The following MED27 variants were observed in gnomAD, a reference collection of about 807,000 sequenced individuals.
MED27 encodes mediator of RNA polymerase II transcription subunit 27.
MED27 carries 30 observed loss-of-function variants against 38.2 expected under a neutral mutation model. The observed-to-expected ratio is 0.79, with a 90% CI of 0.59 to 1.07. The LOEUF is 1.07. Ranked by LOEUF, MED27 falls within the 50% of genes least tolerant of loss-of-function variation. The pLI is 0.00. For missense variants in MED27, 289 were observed against 397.5 expected (o/e 0.73, Z 2.32); for synonymous variants, 122 against 153.5 (o/e 0.79, Z 1.52).
chr9:131,969,808 A>C (rs995891616), intron 3 of MED27, among the ~76,000 whole-genome samples: 1 of 152,154 alleles, frequency 6.6e-6, no homozygotes. Context: ...ATAATTTTGG[A>C]ATCTCTCTAA....
intron 2 of MED27, among the ~76,000 whole-genome samples, chr9:132,028,712 A>T (rs1469125486): frequency 6.6e-6 from 1 of 152,126 alleles, no homozygotes; most frequent in East Asian, 1.9e-4. Context: ...AATCAAGGAC[A>T]TTATAGCCTT....
chr9:132,046,192 G>A (rs1833333714), intron 2 of MED27, among the ~76,000 whole-genome samples: 1 of 152,166 alleles, frequency 6.6e-6, no homozygotes, highest in South Asian at 2.1e-4. Flanking sequence ...AAATATACAG[G>A]CAAAAGTTCA....
At chr9:132,045,476 T>C (rs185085660) in intron 2 of MED27, among the ~76,000 whole-genome samples, 1 of 149,918 alleles carries the variant, frequency 6.7e-6, no homozygotes, top group Admixed American at 6.7e-5. Flanking sequence ...TTTACATGCA[T>C]AATAAAAGGT....
chr9:131,927,326 T>G (rs1286657479), intron 4 of MED27, among the ~76,000 whole-genome samples: 1 of 152,316 alleles, frequency 6.6e-6, no homozygotes, highest in East Asian at 1.9e-4. Flanking sequence ...ACCTAAGGCT[T>G]ACAAGGACAC....
intron 4 of MED27, among the ~76,000 whole-genome samples, chr9:131,933,416 G>C (rs1384259389): frequency 6.6e-6 from 1 of 152,038 alleles, no homozygotes; most frequent in Non-Finnish European, 1.5e-5. Context: ...AAAGTTGAAG[G>C]ATACAAAATA....
At chr9:132,070,746 C>G (rs1385237615) in intron 2 of MED27, among the ~76,000 whole-genome samples, 2 of 152,148 alleles carry the variant, frequency 1.3e-5, no homozygotes, top group Non-Finnish European at 2.9e-5. Context: ...TCTCACCACT[C>G]CTGTGGTTTG....
intron 2 of MED27, among the ~76,000 whole-genome samples, chr9:132,053,010 T>C (rs1014473974): frequency 2.6e-5 from 4 of 151,680 alleles, no homozygotes; most frequent in African/African-American, 7.3e-5. Context: ...TCCCAGCACT[T>C]TGGGAGGCCG....
rs1247480319 is a variant in MED27 at position 131,861,316 on chromosome 9, C to T, written c.802-644G>A. Among the ~76,000 whole-genome samples the T allele has an allele frequency of 6.6e-6, 1 of 152,096 alleles. No individual in the cohort carries two copies. Among genetic ancestry groups the T allele is most frequent in the Non-Finnish European group, 1.5e-5 (1 of 68,012 alleles). Reference sequence around the variant, plus strand: ...ACATAAGGATGAGCCTCCCGTAACTCAATTCTCAAACACAAGGAGATTCAC... The same window carrying T: ...ACATAAGGATGAGCCTCCCGTAACTTAATTCTCAAACACAAGGAGATTCAC... On this transcript the variant is annotated intron_variant, in intron 7 of 7. Transcript: ENST00000292035. The surrounding 1 kb of genome is among the most constrained non-coding windows in gnomAD (Gnocchi z 4.4).
chr9:132,021,618 A>C (rs1019046838), intron 2 of MED27, among the ~76,000 whole-genome samples: 19 of 152,304 alleles, frequency 1.2e-4, no homozygotes, highest in African/African-American at 4.3e-4. Context: ...GGTCATAAAG[A>C]AAGATCATGT....
intron 4 of MED27, 31 bp downstream of exon 4, chr9:131,939,350 C>A: frequency 1.3e-6 from 2 of 1,495,640 alleles, no homozygotes; most frequent in Non-Finnish European, 1.8e-6. Flanking sequence ...TTTCCCCCAA[C>A]ATCCCTACAA....
intron 3 of MED27, among the ~76,000 whole-genome samples, chr9:132,000,226 C>G (rs964433801): frequency 1.3e-5 from 2 of 151,940 alleles, no homozygotes; most frequent in African/African-American, 4.8e-5. Flanking sequence ...CAAAGATATA[C>G]GGATGGCAAA....
At chr9:131,988,792 G>A (rs770517697) in intron 3 of MED27, among the ~76,000 whole-genome samples, 1 of 152,124 alleles carries the variant, frequency 6.6e-6, no homozygotes, top group African/African-American at 2.4e-5. Flanking sequence ...GACTGTTTTT[G>A]TTATCAGAAA....
chr9:132,050,708 C>A (rs761472089), intron 2 of MED27, among the ~76,000 whole-genome samples: 1 of 152,188 alleles, frequency 6.6e-6, no homozygotes, highest in Non-Finnish European at 1.5e-5. Flanking sequence ...ATGCAGGCCT[C>A]TGCTCAGACT....
chr9:132,037,849 C>A (rs946417140), intron 2 of MED27, among the ~76,000 whole-genome samples: 3 of 152,118 alleles, frequency 2.0e-5, no homozygotes, highest in Non-Finnish European at 2.9e-5. Context: ...ATGTCCCGAC[C>A]CCAGACAGGA....
chr9:131,944,617 T>A (rs1270454951), intron 3 of MED27, among the ~76,000 whole-genome samples: 1 of 149,494 alleles, frequency 6.7e-6, no homozygotes. Context: ...AACCTCCACC[T>A]CATGGATTCA....
intron 5 of MED27, among the ~76,000 whole-genome samples, chr9:131,891,036 G>A (rs191176598): frequency 9.2e-5 from 14 of 152,334 alleles, no homozygotes; most frequent in African/African-American, 3.4e-4. Context: ...TGATAACTCT[G>A]TGCTGTAAGG....
At chr9:131,929,959 C>A (rs1237788001) in intron 4 of MED27, among the ~76,000 whole-genome samples, 4 of 152,204 alleles carry the variant, frequency 2.6e-5, no homozygotes, top group Non-Finnish European at 5.9e-5. Context: ...CAAGTCTGAC[C>A]CAGCACAGTC....
intron 3 of MED27, among the ~76,000 whole-genome samples, chr9:131,942,217 T>C (rs959712057): frequency 1.3e-5 from 2 of 152,120 alleles, no homozygotes; most frequent in Non-Finnish European, 2.9e-5. Context: ...TCCCTCTAGA[T>C]TTACAGCATC....
At chr9:131,964,878 C>T (rs1001642519) in intron 3 of MED27, among the ~76,000 whole-genome samples, 1 of 152,234 alleles carries the variant, frequency 6.6e-6, no homozygotes, top group African/African-American at 2.4e-5. Context: ...TCCCACAACC[C>T]TTCCAGCAAT....
Sources: allele counts gnomAD v4.1 joint callset (sites outside exome capture counted in the v4.1 genomes callset), GRCh38; gene constraint gnomAD v4.1.1; non-coding constraint Gnocchi (gnomAD v3.1); transcripts MANE v1.5; gene names NCBI Gene and HGNC (gene_info 2026-07-23, HGNC 2026-07-21).